The following GABBR2 variants were observed in gnomAD, a reference collection of about 807,000 sequenced individuals.
GABBR2 encodes the protein gamma-aminobutyric acid type B receptor subunit 2.
In GABBR2, 23 loss-of-function variants were observed where a neutral mutation model predicts 105.6. The ratio of observed to expected loss-of-function variants is 0.22; its 90% CI spans 0.16 to 0.31. The LOEUF is 0.31. Ranked by LOEUF, GABBR2 falls within the 10% of genes least tolerant of loss-of-function variation. The pLI, the probability that GABBR2 is intolerant of heterozygous loss-of-function variation, is 1.00. For missense variants in GABBR2, 734 were observed against 1,245.5 expected, an observed-to-expected ratio of 0.59 and a Z score of 6.18; for synonymous variants, 478 against 499.7, an observed-to-expected ratio of 0.96 and a Z score of 0.58.
intron 2 of GABBR2, among the ~76,000 whole-genome samples, chr9:98,572,491 C>G: frequency 6.6e-6 from 1 of 152,318 alleles, no homozygotes; most frequent in East Asian, 1.9e-4. Flanking sequence ...TTGTGAAGCT[C>G]TGTTTTGAAG....
chr9:98,298,059 A>AG (rs1830411091), intron 17 of GABBR2, among the ~76,000 whole-genome samples: 1 of 151,070 alleles, frequency 6.6e-6, no homozygotes, highest in African/African-American at 2.4e-5. Context: ...AAAAAAAAAA[A>AG]GTAATGTAAA....
At chr9:98,365,899 T>C (rs999713503) in intron 12 of GABBR2, among the ~76,000 whole-genome samples, 9 of 152,356 alleles carry the variant, frequency 5.9e-5, no homozygotes, top group African/African-American at 2.2e-4. Flanking sequence ...TCTTAGATTC[T>C]TTGACTTCCT....
chr9:98,299,156 A>G, intron 17 of GABBR2, 68 bp downstream of exon 17: 2 of 1,349,042 alleles, frequency 1.5e-6, no homozygotes, highest in Non-Finnish European at 2.1e-6. Flanking sequence ...CATCTAAAAA[A>G]TGGAAGATGA....
intron 10 of GABBR2, among the ~76,000 whole-genome samples, chr9:98,386,569 T>C (rs994142969): frequency 4.6e-5 from 7 of 152,108 alleles, no homozygotes; most frequent in Non-Finnish European, 1.0e-4. Context: ...TCTCTGTCAT[T>C]TCCTCCCGGA....
At chr9:98,461,775 A>G (rs1826428816) in intron 6 of GABBR2, among the ~76,000 whole-genome samples, 1 of 152,230 alleles carries the variant, frequency 6.6e-6, no homozygotes, top group Non-Finnish European at 1.5e-5. Context: ...TGGTGCTGGC[A>G]TCTGCTTCTG....
chr9:98,708,277 T>C, intron 1 of GABBR2, 140 bp downstream of exon 1: 1 of 753,100 alleles, frequency 1.3e-6, no homozygotes, highest in Non-Finnish European at 1.8e-6. Context: ...GGGTGAACAC[T>C]GGGCACCAGC....
At chr9:98,607,998 C>T (rs1438607293) in intron 1 of GABBR2, 10 of 1,277,340 alleles carry the variant, frequency 7.8e-6, no homozygotes, top group Non-Finnish European at 1.1e-5. Context: ...TTTGGAAGCA[C>T]AGCATAAACA....
chr9:98,510,271 C>G (rs1170882245), intron 3 of GABBR2, among the ~76,000 whole-genome samples: 1 of 152,140 alleles, frequency 6.6e-6, no homozygotes, highest in East Asian at 1.9e-4. Context: ...CTGAAGGAAG[C>G]ACTAAACATG....
intron 1 of GABBR2, among the ~76,000 whole-genome samples, chr9:98,690,090 G>A (rs569291800): frequency 7.9e-5 from 12 of 152,166 alleles, no homozygotes; most frequent in African/African-American, 2.2e-4. Flanking sequence ...TCCTTCACAC[G>A]TTCAGACACC....
chr9:98,684,846 T>G, intron 1 of GABBR2, among the ~76,000 whole-genome samples: 1 of 152,302 alleles, frequency 6.6e-6, no homozygotes, highest in East Asian at 1.9e-4. Context: ...GCCTCAAGGA[T>G]GGAATTCTGG....
chr9:98,321,444 C>T (rs1830820872), intron 13 of GABBR2, among the ~76,000 whole-genome samples: 1 of 152,178 alleles, frequency 6.6e-6, no homozygotes, highest in African/African-American at 2.4e-5. Flanking sequence ...CCTCATGCCC[C>T]AACCTGGCAG....
intron 5 of GABBR2, among the ~76,000 whole-genome samples, chr9:98,479,599 G>A (rs1413758154): frequency 6.6e-6 from 1 of 152,208 alleles, no homozygotes; most frequent in Non-Finnish European, 1.5e-5. Context: ...ATAACCACAC[G>A]TGACCACGGC....
intron 1 of GABBR2, among the ~76,000 whole-genome samples, chr9:98,699,006 C>T (rs1328804802): frequency 1.3e-5 from 2 of 152,110 alleles, no homozygotes; most frequent in Admixed American, 1.3e-4. Context: ...TCTCACTATG[C>T]CCAGATCTGC....
chr9:98,383,291 G>A (rs911884719), intron 11 of GABBR2, among the ~76,000 whole-genome samples: 1 of 152,180 alleles, frequency 6.6e-6, no homozygotes, highest in Non-Finnish European at 1.5e-5. Context: ...ACACCCACAA[G>A]GACTTTTGAG....
chr9:98,331,928 C>T (rs960104993), intron 13 of GABBR2, among the ~76,000 whole-genome samples: 2 of 152,194 alleles, frequency 1.3e-5, no homozygotes, highest in African/African-American at 4.8e-5. Flanking sequence ...GGACAATACA[C>T]ATGGACAAAA....
intron 13 of GABBR2, among the ~76,000 whole-genome samples, chr9:98,311,567 A>C (rs1160717154): frequency 2.0e-5 from 3 of 152,222 alleles, no homozygotes; most frequent in Non-Finnish European, 4.4e-5. Context: ...AATGAGGTAT[A>C]AAGTTAGGTC....
At chr9:98,356,158 A>T (rs1432228855) in intron 13 of GABBR2, among the ~76,000 whole-genome samples, 1 of 152,238 alleles carries the variant, frequency 6.6e-6, no homozygotes, top group Non-Finnish European at 1.5e-5. Context: ...ATACATCAAA[A>T]GTATGATCCA....
chr9:98,492,311 C>T (rs924424449), intron 4 of GABBR2, among the ~76,000 whole-genome samples: 4 of 119,692 alleles, frequency 3.3e-5, no homozygotes, highest in African/African-American at 9.4e-5. Flanking sequence ...ATCTACAGTA[C>T]TAGGTCTGTC....
intron 13 of GABBR2, among the ~76,000 whole-genome samples, chr9:98,335,860 G>T (rs10985895): frequency 1.3e-5 from 2 of 152,088 alleles, no homozygotes; most frequent in African/African-American, 2.4e-5. Flanking sequence ...ATTCATGCAC[G>T]CATTCCTTTG....
Sources: allele counts gnomAD v4.1 joint callset (sites outside exome capture counted in the v4.1 genomes callset), GRCh38; gene constraint gnomAD v4.1.1; transcripts MANE v1.5; gene names NCBI Gene and HGNC (gene_info 2026-07-23, HGNC 2026-07-21).